Variants in ASAP1 observed in about 807,000 individuals in gnomAD.
ASAP1 encodes the protein ArfGAP with SH3 domain, ankyrin repeat and PH domain 1, also known as arf-GAP with SH3 domain, ANK repeat and PH domain-containing protein 1.
ASAP1 carries 43 observed loss-of-function variants against 145.2 expected under a neutral mutation model. That is an observed-to-expected ratio of 0.30 (90% CI 0.23 to 0.38). The LOEUF is 0.38. ASAP1 is among the 10% of genes least tolerant of loss of function. The pLI is 1.00. For missense variants in ASAP1, 1,018 were observed against 1,355.3 expected (o/e 0.75, Z 3.91); for synonymous variants, 546 against 515.5 (o/e 1.06, Z -0.80).
intron 1 of ASAP1, among the ~76,000 whole-genome samples, chr8:130,425,017 T>TA (rs1266647877): frequency 9.2e-5 from 13 of 141,228 alleles, no homozygotes; most frequent in Admixed American, 7.2e-4. Flanking sequence ...AATAAATAAA[T>TA]AAAAAAAAGA....
chr8:130,053,895 C>T lies in ASAP1; in HGVS notation c.*836G>A, dbSNP rs772201572. ...ACAATTCCACTTATCCATACTATTCCTTTATAAAAGGCAGATTTCAGGTAA... is the reference window on the plus strand; with the variant it reads ...ACAATTCCACTTATCCATACTATTCTTTTATAAAAGGCAGATTTCAGGTAA... On this transcript the variant is annotated 3_prime_UTR_variant, in exon 30 of 30. Transcript: ENST00000518721. 1 of 152,400 alleles carries T rather than the reference C, an allele frequency of 6.6e-6. No homozygotes were observed. The highest frequency in any genetic ancestry group is 1.5e-5 in the Non-Finnish European group (1 of 68,040). 9.4% of individuals were successfully genotyped at this position (152,400 alleles called of 1,614,324 possible). A position where few individuals can be genotyped will look rare whatever the true frequency, so the allele number is the denominator to read the frequency against.
At chr8:130,226,253 C>T (rs893160638) in intron 4 of ASAP1, among the ~76,000 whole-genome samples, 1 of 152,046 alleles carries the variant, frequency 6.6e-6, no homozygotes, top group Non-Finnish European at 1.5e-5. Flanking sequence ...TGTCCTGTGA[C>T]CCGGAAAATA....
In ASAP1 at chr8:130,061,025, T is replaced by C. The variant is rs762942975; in HGVS notation, c.2746A>G (p.Ile916Val). The C allele has an allele frequency of 1.3e-6, 2 of 1,545,618 alleles. No individual in the cohort carries two copies. The highest frequency in any genetic ancestry group is 8.7e-7 in the Non-Finnish European group (1 of 1,150,438). The change falls in exon 28 of 30, where the codon ATC becomes GTC. Residue 916 changes from isoleucine to valine, a missense_variant. Ile to Val is a conservative substitution (Grantham distance 29). This residue lies in a region of ASAP1 where 38 missense variants were observed against 77.2 expected (regional missense o/e 0.49). Transcript: ENST00000518721. The stretch of plus-strand genomic sequence containing the variant: ...GATTTCTGAAAGATTTCGGGCGGGA[T>C]GGTGGCTTTGTCTAGGGAGAGATGA... ...TDHLSLDKAT[I>V]PPEIFQKSSQ...
rs1018843610 is a variant in ASAP1, at chr8:130,084,463, T to C, written c.2573-4492A>G. The C allele has an allele frequency of 4.6e-5, 7 of 152,338 alleles. No homozygotes were observed. In the East Asian group the frequency reaches 1.4e-3, roughly 29 times the overall value. The allele number at this position is 152,338 out of a possible 1,614,324, so 9.4% of individuals were successfully genotyped here. A position where few individuals can be genotyped will look rare whatever the true frequency, so the allele number is the denominator to read the frequency against. Reference sequence around the variant, plus strand: ...TGTGTAAGAGAAAGTTGGAGATACCTCCTGGGCAGGCAATGGAAGAAGTGT... The same window carrying C: ...TGTGTAAGAGAAAGTTGGAGATACCCCCTGGGCAGGCAATGGAAGAAGTGT... On this transcript the variant is annotated intron_variant, in intron 25 of 29. Coordinates refer to ENST00000518721, the MANE Select transcript of ASAP1 (RefSeq NM_018482.4).
chr8:130,068,546 G>A (rs2097435056), intron 27 of ASAP1, among the ~76,000 whole-genome samples: 2 of 152,234 alleles, frequency 1.3e-5, no homozygotes, highest in South Asian at 4.1e-4. Context: ...AGTATCTTTG[G>A]TTTTAAACAC....
At chr8:130,087,662 GGT>G (rs1247904623) in intron 25 of ASAP1, among the ~76,000 whole-genome samples, 7 of 152,150 alleles carry the variant, frequency 4.6e-5, no homozygotes, top group Non-Finnish European at 1.5e-5. Context: ...ACAGAGTGGT[GGT>G]GTGAACAGGT....
At position 130,179,252 on chromosome 8, in the gene ASAP1, T is replaced by A. The variant is rs1242251280; in HGVS notation, c.746+12A>T. 6.5e-7 allele frequency: 1 copy of A among 1,546,874 alleles called. No individual in the cohort carries two copies. Among genetic ancestry groups the A allele is most frequent in the South Asian group, 1.1e-5 (1 of 88,800 alleles). Reference sequence around the variant, plus strand: ...ATTGGGCTAATAACAATGCTTGCAATATTCTACTCACTTGCACTGTGCATG... The same window carrying A: ...ATTGGGCTAATAACAATGCTTGCAAAATTCTACTCACTTGCACTGTGCATG... On this transcript the variant is annotated intron_variant, in intron 9 of 29. Coordinates refer to ENST00000518721, the MANE Select transcript of ASAP1 (RefSeq NM_018482.4).
intron 13 of ASAP1, among the ~76,000 whole-genome samples, chr8:130,146,200 T>A (rs1172288593): frequency 6.6e-6 from 1 of 152,066 alleles, no homozygotes; most frequent in African/African-American, 2.4e-5. Flanking sequence ...GGAGGTAACA[T>A]CACAGCTGAT....
chr8:130,237,048 AT>A (rs1818257927), intron 3 of ASAP1, 54 bp from the exon 4 acceptor site: 18 of 1,352,514 alleles, frequency 1.3e-5, no homozygotes, highest in African/African-American at 1.0e-4. Context: ...AATTAAAAAA[AT>A]AATAAGAAAA....
chr8:130,252,968 C>T (rs775372031), intron 3 of ASAP1, among the ~76,000 whole-genome samples: 1 of 152,080 alleles, frequency 6.6e-6, no homozygotes, highest in Non-Finnish European at 1.5e-5. Context: ...GTTTGGAAAC[C>T]ACCAAGCCTT....
chr8:130,205,053 T>TA (rs1816115798), intron 5 of ASAP1, among the ~76,000 whole-genome samples: 1 of 152,238 alleles, frequency 6.6e-6, no homozygotes, highest in Non-Finnish European at 1.5e-5. Flanking sequence ...AGCAAAATGT[T>TA]AGAGACAGCA....
chr8:130,239,595 A>T (rs1403003126), intron 3 of ASAP1, among the ~76,000 whole-genome samples: 1 of 152,148 alleles, frequency 6.6e-6, no homozygotes, highest in Non-Finnish European at 1.5e-5. Context: ...ACCAGTTTTG[A>T]GATAAACCTG....
chr8:130,399,139 A>G (rs1163577935), intron 2 of ASAP1, among the ~76,000 whole-genome samples: 2 of 152,158 alleles, frequency 1.3e-5, no homozygotes, highest in African/African-American at 4.8e-5. Flanking sequence ...CTGCTGTTAG[A>G]TGTGATGGCT....
chr8:130,408,920 C>T (rs1392439652), intron 1 of ASAP1, among the ~76,000 whole-genome samples: 1 of 152,182 alleles, frequency 6.6e-6, no homozygotes, highest in African/African-American at 2.4e-5. Flanking sequence ...CATGACCAAA[C>T]ACACCCCATT....
chr8:130,072,504 A>G (rs2135220601), intron 27 of ASAP1, among the ~76,000 whole-genome samples: 1 of 142,968 alleles, frequency 7.0e-6, no homozygotes, highest in East Asian at 2.0e-4. Flanking sequence ...TGCCACATGG[A>G]ACTGTGAGTC....
intron 13 of ASAP1, among the ~76,000 whole-genome samples, chr8:130,151,325 T>G (rs772054954): frequency 8.4e-6 from 1 of 118,772 alleles, no homozygotes; most frequent in Non-Finnish European, 1.6e-5. Context: ...GAGCCAAGAC[T>G]GCACCACTGC....
intron 2 of ASAP1, among the ~76,000 whole-genome samples, chr8:130,359,045 G>T (rs990140658): frequency 5.3e-5 from 8 of 152,150 alleles, no homozygotes; most frequent in African/African-American, 1.9e-4. Flanking sequence ...CGGCCTCCCG[G>T]GGCCCGGGCT....
At chr8:130,136,571 T>G (rs1203748836) in intron 14 of ASAP1, among the ~76,000 whole-genome samples, 1 of 152,108 alleles carries the variant, frequency 6.6e-6, no homozygotes, top group East Asian at 1.9e-4. Context: ...TTTTTTTTTT[T>G]TTTTAAACTA....
At chr8:130,074,261 G>A (rs1042823833) in intron 27 of ASAP1, among the ~76,000 whole-genome samples, 2 of 152,038 alleles carry the variant, frequency 1.3e-5, no homozygotes, top group South Asian at 2.1e-4. Context: ...GCTGGGATTC[G>A]CTACAGAATT....
Sources: gnomAD v4.1 joint callset for allele counts (sites outside exome capture counted in the v4.1 genomes callset) on GRCh38, gnomAD v4.1.1 for gene constraint, gnomAD v4.1.1 regional missense constraint, MANE v1.5 for transcripts, NCBI Gene and HGNC (gene_info 2026-07-23, HGNC 2026-07-21) for gene names.